The following XKR6 variants were observed in gnomAD, a reference collection of about 807,000 sequenced individuals.
The protein encoded by XKR6 is XK-related protein 6.
A neutral mutation model predicts 56.7 loss-of-function variants in XKR6; 22 were observed. That is an observed-to-expected ratio of 0.39 (90% CI 0.28 to 0.55). The LOEUF is 0.55. Among genes scored for constraint, XKR6 ranks in the 20% least tolerant of loss-of-function variants. The pLI is 0.66. For synonymous variants in XKR6, 524 were observed against 387.8 expected, an observed-to-expected ratio of 1.35 and a Z score of -4.13; for missense variants, 852 against 889.0, an observed-to-expected ratio of 0.96 and a Z score of 0.53.
chr8:10,986,981 G>T (rs1247385176), intron 1 of XKR6, among the ~76,000 whole-genome samples: 1 of 151,764 alleles, frequency 6.6e-6, no homozygotes, highest in Non-Finnish European at 1.5e-5. Flanking sequence ...TAGAGATGGG[G>T]GTCTCACTAC....
At chr8:11,125,115 G>GGAAAA (rs1799705210) in intron 1 of XKR6, among the ~76,000 whole-genome samples, 1 of 147,796 alleles carries the variant, frequency 6.8e-6, no homozygotes, top group African/African-American at 2.5e-5. Context: ...AAAAAGAAAA[G>GGAAAA]AAAAAAAAAG....
intron 1 of XKR6, among the ~76,000 whole-genome samples, chr8:10,951,001 T>C (rs1490017321): frequency 1.4e-5 from 2 of 146,932 alleles, no homozygotes; most frequent in East Asian, 3.9e-4. Flanking sequence ...GGACTGACTG[T>C]GGCCCCAGAA....
rs940335597 is a variant in XKR6 at position 11,168,302 on chromosome 8, G to C, written c.764+32274C>G. On this transcript the variant is annotated intron_variant, in intron 1 of 2. Coordinates refer to ENST00000416569, the MANE Select transcript of XKR6 (RefSeq NM_173683.4). The stretch of plus-strand genomic sequence containing the variant: ...TGCTTAATATCAATATGTTGTTGAA[G>C]TTGAGAAGGATACTATATTTGATTA... Among the ~76,000 whole-genome samples, 73 of 152,196 alleles carry C rather than the reference G, an allele frequency of 4.8e-4. 1 individual carries two copies. The highest frequency in any genetic ancestry group is 8.5e-4 in the Non-Finnish European group (58 of 68,038).
intron 1 of XKR6, among the ~76,000 whole-genome samples, chr8:11,197,603 G>A (rs1803961406): frequency 1.3e-5 from 2 of 152,208 alleles, no homozygotes; most frequent in African/African-American, 2.4e-5. Flanking sequence ...GCTGTTACAT[G>A]TTTAGTAATT....
chr8:11,114,935 T>C (rs926036704), intron 1 of XKR6, among the ~76,000 whole-genome samples: 23 of 152,196 alleles, frequency 1.5e-4, no homozygotes, highest in African/African-American at 5.3e-4. Flanking sequence ...CACTCACTCA[T>C]TCAACAAATA....
At chr8:11,180,472 G>A (rs527752748) in intron 1 of XKR6, among the ~76,000 whole-genome samples, 1 of 152,350 alleles carries the variant, frequency 6.6e-6, no homozygotes, top group South Asian at 2.1e-4. Flanking sequence ...GTGACAACCA[G>A]TCCCTAGACA....
intron 1 of XKR6, among the ~76,000 whole-genome samples, chr8:11,102,046 G>A (rs561972842): frequency 5.3e-5 from 8 of 152,336 alleles, no homozygotes; most frequent in Non-Finnish European, 1.0e-4. Flanking sequence ...AACAGCGAGG[G>A]CTTCTGGATG....
intron 1 of XKR6, among the ~76,000 whole-genome samples, chr8:11,154,893 C>G (rs1179283991): frequency 6.6e-6 from 1 of 152,216 alleles, no homozygotes; most frequent in Non-Finnish European, 1.5e-5. Context: ...TCTTAAGGGA[C>G]TCAAATTTTA....
intron 1 of XKR6, among the ~76,000 whole-genome samples, chr8:10,985,888 G>A (rs2129138898): frequency 6.6e-6 from 1 of 152,304 alleles, no homozygotes; most frequent in East Asian, 1.9e-4. Context: ...TTACAGGCAT[G>A]AGCCACTGCA....
intron 1 of XKR6, among the ~76,000 whole-genome samples, chr8:10,930,149 G>A (rs1314346967): frequency 1.3e-5 from 2 of 152,162 alleles, no homozygotes; most frequent in Admixed American, 6.5e-5. Flanking sequence ...ACTGGCTGGG[G>A]TAGAAAATAA....
At chr8:11,058,403 A>G (rs1220697116) in intron 1 of XKR6, among the ~76,000 whole-genome samples, 5 of 152,256 alleles carry the variant, frequency 3.3e-5, no homozygotes, top group Non-Finnish European at 7.3e-5. Context: ...TATTTACAAT[A>G]GCAAAGGCTA....
chr8:11,041,797 A>C (rs1420083056), intron 1 of XKR6, among the ~76,000 whole-genome samples: 1 of 152,198 alleles, frequency 6.6e-6, no homozygotes, highest in Admixed American at 6.5e-5. Context: ...ACCTTACGCT[A>C]CTGGTGGAAT....
At chr8:11,141,418 C>A (rs1409110061) in intron 1 of XKR6, among the ~76,000 whole-genome samples, 3 of 152,132 alleles carry the variant, frequency 2.0e-5, no homozygotes, top group African/African-American at 4.8e-5. Flanking sequence ...TCACAAGCAG[C>A]CTTAACTAAG....
chr8:11,061,858 T>A (rs896351893), intron 1 of XKR6, among the ~76,000 whole-genome samples: 1 of 152,092 alleles, frequency 6.6e-6, no homozygotes, highest in East Asian at 1.9e-4. Context: ...CTGGAGGCTG[T>A]TAAAATGAGT....
chr8:10,994,587 G>A (rs1210315171), intron 1 of XKR6, among the ~76,000 whole-genome samples: 1 of 152,152 alleles, frequency 6.6e-6, no homozygotes, highest in African/African-American at 2.4e-5. Context: ...GATCAGAGTT[G>A]GGAGTAACCT....
chr8:10,979,643 G>T (rs1027280398), intron 1 of XKR6, among the ~76,000 whole-genome samples: 1 of 152,182 alleles, frequency 6.6e-6, no homozygotes, highest in African/African-American at 2.4e-5. Flanking sequence ...CCTCCTTGGG[G>T]GACACACGAA....
intron 1 of XKR6, among the ~76,000 whole-genome samples, chr8:11,162,762 C>A (rs1475475862): frequency 6.6e-6 from 1 of 152,228 alleles, no homozygotes; most frequent in African/African-American, 2.4e-5. Context: ...GACGGTCTGT[C>A]AGGCTGACAC....
intron 1 of XKR6, among the ~76,000 whole-genome samples, chr8:10,953,357 C>T (rs1487247719): frequency 6.6e-6 from 1 of 152,100 alleles, no homozygotes; most frequent in Non-Finnish European, 1.5e-5. Context: ...CTTTCTCTTG[C>T]TCCTGCTCCC....
rs1262620254 is a variant in XKR6 at position 11,140,906 on chromosome 8, A to AAG, written c.764+59669_764+59670insCT. On this transcript the variant is annotated intron_variant, in intron 1 of 2. Coordinates refer to ENST00000416569, the MANE Select transcript of XKR6 (RefSeq NM_173683.4). ...GAGCGAGACTCTGTCTCAAAAAAAAAAAAAAAAAAACCTTCCTGAGAAACC... is the reference window on the plus strand; with the variant it reads ...GAGCGAGACTCTGTCTCAAAAAAAAAAGAAAAAAAAAACCTTCCTGAGAAACC... Among the ~76,000 whole-genome samples, 7 of 151,794 alleles carry AAG rather than the reference A, an allele frequency of 4.6e-5. No individual in the cohort carries two copies. The South Asian group carries it at 1.3e-3, about 27-fold the overall frequency.
Sources: allele counts gnomAD v4.1 joint callset (sites outside exome capture counted in the v4.1 genomes callset), GRCh38; gene constraint gnomAD v4.1.1; transcripts MANE v1.5; gene names NCBI Gene and HGNC (gene_info 2026-07-23, HGNC 2026-07-21).